IL1RAPL1: variants seen among roughly 807,000 people sequenced by gnomAD.
IL1RAPL1 encodes interleukin 1 receptor accessory protein like 1.
Under a neutral mutation model 48.4 loss-of-function variants are expected in IL1RAPL1, and 3 were observed. The observed-to-expected ratio is 0.06, with a 90% confidence interval of 0.03 to 0.16. The LOEUF (loss-of-function observed/expected upper bound fraction) is 0.16, where lower values mean the gene tolerates loss of function less well. IL1RAPL1 is among the 10% of genes least tolerant of loss of function. IL1RAPL1 has a pLI of 1.00. For missense variants in IL1RAPL1, 349 were observed against 530.6 expected, an observed-to-expected ratio of 0.66 and a Z score of 3.36; for synonymous variants, 185 against 187.7, an observed-to-expected ratio of 0.99 and a Z score of 0.12.
chrX:28,783,296 C>T (rs748639444), intron 1 of IL1RAPL1, among the ~76,000 whole-genome samples: 75 of 112,076 alleles, frequency 6.7e-4, no homozygotes, highest in African/African-American at 2.1e-3. Context: ...TATTTGACTG[C>T]TGCGTATAGT....
At chrX:29,899,474 C>T (rs1446648629) in intron 6 of IL1RAPL1, among the ~76,000 whole-genome samples, 8 of 110,600 alleles carry the variant, frequency 7.2e-5, no homozygotes, top group Non-Finnish European at 1.5e-4. Flanking sequence ...AACAAGTCTT[C>T]CTCAAGAATG....
chrX:29,125,224 T>C (rs1928874748), intron 2 of IL1RAPL1, among the ~76,000 whole-genome samples: 1 of 112,248 alleles, frequency 8.9e-6, no homozygotes, highest in Non-Finnish European at 1.9e-5. Context: ...ATAGGTCAAA[T>C]TAGTCAGGCT....
chrX:28,968,238 G>A (rs1924968927), intron 2 of IL1RAPL1, among the ~76,000 whole-genome samples: 1 of 111,561 alleles, frequency 9.0e-6, no homozygotes, highest in African/African-American at 3.3e-5. Context: ...AGAGCCATTA[G>A]TTCCGTAGCC....
chrX:29,374,269 C>G (rs1156423687), intron 3 of IL1RAPL1, among the ~76,000 whole-genome samples: 1 of 54,338 alleles, frequency 1.8e-5, no homozygotes, highest in African/African-American at 7.4e-5. Context: ...TGATCCAGGG[C>G]TTTTTCTGGT....
intron 5 of IL1RAPL1, among the ~76,000 whole-genome samples, chrX:29,657,541 T>C (rs1242684510): frequency 8.9e-6 from 1 of 112,184 alleles, no homozygotes; most frequent in South Asian, 3.7e-4. Flanking sequence ...AAATATAATG[T>C]CTTTGTGATA....
Position 29,955,772 on chromosome X carries a change from C to A in IL1RAPL1, c.2043C>A (p.Ile681=), listed in dbSNP as rs762335359. The A allele has an allele frequency of 1.7e-6, 2 of 1,211,056 alleles. No individual in the cohort carries two copies. The highest frequency in any genetic ancestry group is 3.5e-5 in the South Asian group (2 of 56,880). The change falls in exon 11 of 11, where the codon ATC becomes ATA. Residue 681 remains isoleucine (I), a synonymous_variant. Transcript: ENST00000378993. ...ATGAGGCCCACACAAACAGTGCCATCCTGCCGCTGTTGCCAAGGGAGACCA... is the reference window on the plus strand; with the variant it reads ...ATGAGGCCCACACAAACAGTGCCATACTGCCGCTGTTGCCAAGGGAGACCA... ...NPDEAHTNSA[I]LPLLPRETSI...
chrX:29,045,938 TTCTTCCTCC>T (rs1409741019), intron 2 of IL1RAPL1, among the ~76,000 whole-genome samples: 13 of 39,740 alleles, frequency 3.3e-4, no homozygotes, highest in South Asian at 2.1e-3. Context: ...CTCCTCCTCC[TTCTTCCTCC>T]TCCTCCTCCT....
At position 28,888,811 on chromosome X, in the gene IL1RAPL1, C is replaced by T. The variant is rs1023587589; in HGVS notation, c.82+99386C>T. On this transcript the variant is annotated intron_variant, in intron 2 of 10. Coordinates refer to ENST00000378993, the MANE Select transcript of IL1RAPL1 (RefSeq NM_014271.4). The stretch of plus-strand genomic sequence containing the variant: ...ACAATCTCACTAGAACTTGGTTTTC[C>T]TTTTTTTTAAGACGTGAATTTTAAG... Among the ~76,000 whole-genome samples the T allele has an allele frequency of 4.5e-5, 5 of 110,466 alleles. 1 individual carries two copies. The Admixed American group carries it at 4.9e-4, about 11-fold the overall frequency.
intron 2 of IL1RAPL1, among the ~76,000 whole-genome samples, chrX:29,240,222 ATATTTTTTTTTT>A (rs1931393636): frequency 5.7e-5 from 1 of 17,566 alleles, no homozygotes; most frequent in Non-Finnish European, 9.1e-5. Context: ...ATATATATAT[ATATTTTTTTTTT>A]TTTTTTTTTT....
intron 2 of IL1RAPL1, among the ~76,000 whole-genome samples, chrX:28,986,144 A>C (rs1010649923): frequency 5.0e-4 from 56 of 111,718 alleles, no homozygotes; most frequent in Non-Finnish European, 7.5e-5. Flanking sequence ...GAGGAAGAAA[A>C]ATAAAATCAA....
intron 7 of IL1RAPL1, among the ~76,000 whole-genome samples, chrX:29,918,432 G>A (rs1222309944): frequency 1.0e-5 from 1 of 98,853 alleles, no homozygotes; most frequent in Non-Finnish European, 2.0e-5. Context: ...CTGAACCTGG[G>A]AGGTGGAGGT....
Position 29,302,736 on chromosome X carries a change from A to G in IL1RAPL1, c.362+19519A>G, listed in dbSNP as rs191052830. Among the ~76,000 whole-genome samples, 9 of 111,418 alleles carry G rather than the reference A, an allele frequency of 8.1e-5. No homozygotes were observed. In the Admixed American group the frequency reaches 8.6e-4, roughly 11 times the overall value. On this transcript the variant is annotated intron_variant, in intron 3 of 10. Coordinates refer to ENST00000378993, the MANE Select transcript of IL1RAPL1 (RefSeq NM_014271.4). ...AGTTTTGGGGCGGTCATTTAGCAGC[A>G]GTGTGTGGGGATGTTGAATGGAGGG...
intron 6 of IL1RAPL1, among the ~76,000 whole-genome samples, chrX:29,908,884 T>C (rs1026776231): frequency 8.9e-6 from 1 of 111,995 alleles, no homozygotes; most frequent in Non-Finnish European, 1.9e-5. Context: ...AATTTTCATC[T>C]TTATGCACTT....
intron 2 of IL1RAPL1, among the ~76,000 whole-genome samples, chrX:29,191,621 T>A (rs2147527578): frequency 8.9e-6 from 1 of 111,772 alleles, no homozygotes; most frequent in South Asian, 3.8e-4. Context: ...AGGTTTTGGA[T>A]TCCTTATGAT....
At chrX:29,385,051 T>C (rs1259103078) in intron 3 of IL1RAPL1, among the ~76,000 whole-genome samples, 3 of 112,136 alleles carry the variant, frequency 2.7e-5, no homozygotes, top group Admixed American at 9.4e-5. Context: ...TACCACACAA[T>C]TGACCCTTTG....
intron 2 of IL1RAPL1, among the ~76,000 whole-genome samples, chrX:28,885,255 C>G (rs1922600574): frequency 9.0e-6 from 1 of 111,256 alleles, no homozygotes; most frequent in Admixed American, 9.6e-5. Flanking sequence ...TAAAATAACT[C>G]AAAGACGATG....
chrX:29,610,603 G>A (rs1924057969), intron 5 of IL1RAPL1, among the ~76,000 whole-genome samples: 1 of 112,462 alleles, frequency 8.9e-6, no homozygotes, highest in Admixed American at 9.4e-5. Context: ...TGTCCCTAAT[G>A]TTAAAAAGCA....
chrX:29,422,056 C>A lies in IL1RAPL1; in HGVS notation c.703+22748C>A, dbSNP rs188767583. Among the ~76,000 whole-genome samples the A allele has an allele frequency of 2.0e-4, 22 of 111,541 alleles. 1 individual carries two copies. The East Asian group carries it at 5.6e-3, about 29-fold the overall frequency. ...CCAGTGGAGTTCAGAAGCTTATATG[C>A]CATCCTGGTCAAACAGGTTATGGGA... On this transcript the variant is annotated intron_variant, in intron 5 of 10. Transcript: ENST00000378993.
At chrX:29,807,197 T>C (rs924261116) in intron 6 of IL1RAPL1, among the ~76,000 whole-genome samples, 8 of 110,123 alleles carry the variant, frequency 7.3e-5, no homozygotes, top group Non-Finnish European at 1.5e-4. Context: ...ATTATATATA[T>C]ATAATTTTTC....
Sources: allele counts gnomAD v4.1 joint callset (sites outside exome capture counted in the v4.1 genomes callset), GRCh38; gene constraint gnomAD v4.1.1; transcripts MANE v1.5; gene names NCBI Gene and HGNC (gene_info 2026-07-23, HGNC 2026-07-21).